CACFD1: variants seen among roughly 807,000 people sequenced by gnomAD.
CACFD1 encodes the protein calcium channel flower homolog.
CACFD1 carries 26 observed loss-of-function variants against 21.3 expected under a neutral mutation model. The observed-to-expected ratio is 1.22, with a 90% CI of 0.89 to 1.69. The LOEUF (loss-of-function observed/expected upper bound fraction) is 1.69. Ranked by LOEUF, CACFD1 falls within the 40% of genes most tolerant of loss-of-function variation. The pLI, the probability that CACFD1 is intolerant of heterozygous loss-of-function variation, is 0.00. For synonymous variants in CACFD1, 121 were observed against 106.6 expected, an observed-to-expected ratio of 1.13 and a Z score of -0.83; for missense variants, 265 against 236.2, an observed-to-expected ratio of 1.12 and a Z score of -0.80.
intron 1 of CACFD1, among the ~76,000 whole-genome samples, chr9:133,460,483 GGGT>G (rs1564453275): frequency 6.4e-5 from 8 of 124,496 alleles, no homozygotes; most frequent in South Asian, 5.5e-4. Flanking sequence ...GCGGGGGCGG[GGGT>G]GGGGCACCGG....
intron 2 of CACFD1, among the ~76,000 whole-genome samples, chr9:133,464,363 C>T (rs1843343908): frequency 6.6e-6 from 1 of 152,176 alleles, no homozygotes; most frequent in Non-Finnish European, 1.5e-5. Flanking sequence ...CAGAGAGGCG[C>T]CCAGCCCAGC....
At chr9:133,468,429 C>G (rs1044169324) in intron 4 of CACFD1, 134 bp from the exon 5 acceptor site, 2 of 1,536,198 alleles carry the variant, frequency 1.3e-6, no homozygotes, top group African/African-American at 2.7e-5. Flanking sequence ...TTTGCCACCC[C>G]AGCAGTTGTC....
chr9:133,468,056 C>T, intron 4 of CACFD1, 28 bp downstream of exon 4: 1 of 1,571,078 alleles, frequency 6.4e-7, no homozygotes, highest in East Asian at 2.2e-5. Context: ...AGCCCCTGGG[C>T]AGGGCCTTCC....
chr9:133,461,543 T>C (rs587716166), intron 1 of CACFD1, among the ~76,000 whole-genome samples: 1 of 152,310 alleles, frequency 6.6e-6, no homozygotes, highest in African/African-American at 2.4e-5. Flanking sequence ...TGGTCAGTGG[T>C]GAGAAAGGAA....
chr9:133,465,123 GGA>G lies in CACFD1; in HGVS notation c.195-197_195-196del. 1.7e-6 allele frequency: 1 copy of G among 600,886 alleles called. No individual in the cohort carries two copies. The highest frequency in any genetic ancestry group is 3.0e-6 in the Non-Finnish European group (1 of 337,684). The allele number at this position is 600,886 out of a possible 1,614,324, so 37.2% of individuals were successfully genotyped here. On this transcript the variant is annotated intron_variant, in intron 2 of 4. Transcript: ENST00000316948. This position sits in a 1 kb window ranked among gnomAD's most constrained non-coding sequence, Gnocchi z 5.0. ...GAGATGGGTGTGCAGGAGCAGCTGG[GGA>G]GTGCTGGAGTCTTCAGCAGAGGCTC...
chr9:133,461,771 T>G, intron 1 of CACFD1: 1 of 713,322 alleles, frequency 1.4e-6, no homozygotes, highest in Non-Finnish European at 1.7e-6. Flanking sequence ...ATCTGCAGAT[T>G]TTTGGGGGCA....
In CACFD1 at chr9:133,465,850, G is replaced by T; in HGVS notation, c.320+403G>T. The T allele has an allele frequency of 6.1e-6, 1 of 164,816 alleles. No individual in the cohort carries two copies. Among genetic ancestry groups the T allele is most frequent in the Admixed American group, 5.8e-5 (1 of 17,116 alleles). The allele number at this position is 164,816 out of a possible 1,614,324, so 10.2% of individuals were successfully genotyped here. ...TCATCTAGATGTCCTGACGTGAAGG[G>T]GGAGAAGCAGGTTGCAGAGCAGAAA... On this transcript the variant is annotated intron_variant, in intron 3 of 4. Transcript: ENST00000316948. This position sits in a 1 kb window ranked among gnomAD's most constrained non-coding sequence, Gnocchi z 5.0.
chr9:133,463,650 G>A, intron 2 of CACFD1, 95 bp downstream of exon 2: 1 of 1,324,620 alleles, frequency 7.5e-7, no homozygotes, highest in Non-Finnish European at 1.1e-6. Context: ...GGCCGTGGGA[G>A]TGGGCATCCT....
At chr9:133,461,782 T>G in intron 1 of CACFD1, 1 of 800,468 alleles carries the variant, frequency 1.2e-6, no homozygotes, top group Non-Finnish European at 1.5e-6. Flanking sequence ...TTTGGGGGCA[T>G]GGTTATGTGA....
At chr9:133,462,032 A>T in intron 1 of CACFD1, 1 of 1,275,150 alleles carries the variant, frequency 7.8e-7, no homozygotes, top group South Asian at 1.3e-5. Flanking sequence ...CGTGGAAGAT[A>T]TCAGCATTGA....
rs782466906 is a variant in CACFD1, at chr9:133,460,032, T to G, written c.-35T>G. ...GGACGCGGCCGGCTACCGAGCCCTT[T>G]GTGAGGGCTGTGAGCTGCGCCTGAC... On this transcript the variant is annotated 5_prime_UTR_variant, in exon 1 of 5. Coordinates refer to ENST00000316948, the MANE Select transcript of CACFD1 (RefSeq NM_017586.5). 3 of 1,521,192 alleles carry G rather than the reference T, an allele frequency of 2.0e-6. No individual in the cohort carries two copies. Among genetic ancestry groups the G allele is most frequent in the South Asian group, 2.4e-5 (2 of 82,578 alleles). 94.2% of individuals were successfully genotyped at this position (1,521,192 alleles called of 1,614,324 possible).
At chr9:133,463,896 G>A (rs1013434971) in intron 2 of CACFD1, among the ~76,000 whole-genome samples, 8 of 152,228 alleles carry the variant, frequency 5.3e-5, no homozygotes, top group Non-Finnish European at 1.2e-4. Flanking sequence ...CTATACTGGG[G>A]CCCTCGCCCT....
At chr9:133,468,439 C>T in intron 4 of CACFD1, 124 bp from the exon 5 acceptor site, 2 of 1,536,420 alleles carry the variant, frequency 1.3e-6, no homozygotes, top group Non-Finnish European at 1.7e-6. Context: ...CAGCAGTTGT[C>T]TCTGGGGAAA....
At chr9:133,467,392 T>C (rs1843480532) in intron 3 of CACFD1, among the ~76,000 whole-genome samples, 2 of 152,240 alleles carry the variant, frequency 1.3e-5, no homozygotes, top group African/African-American at 4.8e-5. Flanking sequence ...TGAGACCCTG[T>C]GTTCCATGTG....
rs587770123 is a variant in CACFD1, at chr9:133,467,937, A to G, written c.337A>G (p.Ile113Val). 1.4e-5 allele frequency: 22 copies of G among 1,613,114 alleles called. No individual in the cohort carries two copies. In the Middle Eastern group the frequency reaches 1.1e-3, roughly 78 times the overall value. The change falls in exon 4 of 5, where the codon ATC becomes GTC. Residue 113 changes from isoleucine to valine, a missense_variant. Transcript: ENST00000316948. The part of the protein sequence containing the change: ...VFYCGMAVVP[I>V]VISLTLTTLL... ...TCCCCCCAGGATGGCGGTCGTTCCCATCGTCATCAGCCTGACCCTGACCAC... is the reference window on the plus strand; with the variant it reads ...TCCCCCCAGGATGGCGGTCGTTCCCGTCGTCATCAGCCTGACCCTGACCAC...
chr9:133,467,378 A>G (rs1588230894), intron 3 of CACFD1, among the ~76,000 whole-genome samples: 1 of 152,316 alleles, frequency 6.6e-6, no homozygotes, highest in Admixed American at 6.5e-5. Context: ...CAGCCCTCCC[A>G]TGATGAGACC....
At position 133,469,435 on chromosome 9, in the gene CACFD1, C is replaced by T. The variant is rs976245693; in HGVS notation, c.*782C>T. The T allele has an allele frequency of 6.6e-6, 1 of 152,362 alleles. No homozygotes were observed. The highest frequency in any genetic ancestry group is 2.4e-5 in the African/African-American group (1 of 41,464). The allele number at this position is 152,362 out of a possible 1,614,324, so 9.4% of individuals were successfully genotyped here. A position where few individuals can be genotyped will look rare whatever the true frequency, so the allele number is the denominator to read the frequency against. ...TGCCCACCCTCTCCCTGGTGTGGCC[C>T]CGTCAACATCAGCCACAGCCCAGCC... On this transcript the variant is annotated 3_prime_UTR_variant, in exon 5 of 5. Transcript: ENST00000316948.
In CACFD1 at chr9:133,465,159, G is replaced by A. The variant is rs587766311; in HGVS notation, c.195-163G>A. 7 of 726,276 alleles carry A rather than the reference G, an allele frequency of 9.6e-6. No individual in the cohort carries two copies. Among genetic ancestry groups the A allele is most frequent in the South Asian group, 1.6e-5 (1 of 62,380 alleles). The allele number at this position is 726,276 out of a possible 1,614,324, so 45.0% of individuals were successfully genotyped here. On this transcript the variant is annotated intron_variant, in intron 2 of 4. Transcript: ENST00000316948. This position sits in a 1 kb window ranked among gnomAD's most constrained non-coding sequence, Gnocchi z 5.0. Reference sequence around the variant, plus strand: ...GTCTTCAGCAGAGGCTCTCCGAGGGGTACGAGCAGGTGCCCTGGAGCAGCC... The same window carrying A: ...GTCTTCAGCAGAGGCTCTCCGAGGGATACGAGCAGGTGCCCTGGAGCAGCC...
At chr9:133,463,660 T>C in intron 2 of CACFD1, 105 bp downstream of exon 2, 1 of 1,193,984 alleles carries the variant, frequency 8.4e-7, no homozygotes, top group Non-Finnish European at 1.2e-6. Context: ...GTGGGCATCC[T>C]TGTGGTTGCC....
Sources: allele counts gnomAD v4.1 joint callset (sites outside exome capture counted in the v4.1 genomes callset), GRCh38; gene constraint gnomAD v4.1.1; non-coding constraint Gnocchi (gnomAD v3.1); transcripts MANE v1.5; gene names NCBI Gene and HGNC (gene_info 2026-07-23, HGNC 2026-07-21).